ANKRD22: variants seen among roughly 807,000 people sequenced by gnomAD.
ANKRD22 encodes the protein ankyrin repeat domain-containing protein 22.
ANKRD22 carries 24 observed loss-of-function variants against 25.7 expected under a neutral mutation model. The observed-to-expected ratio is 0.93, with a 90% CI of 0.68 to 1.31. The LOEUF (loss-of-function observed/expected upper bound fraction) is 1.31. Ranked by LOEUF, ANKRD22 falls within the 50% of genes most tolerant of loss-of-function variation. The pLI is 0.00. For missense variants in ANKRD22, 214 were observed against 227.1 expected (o/e 0.94, Z 0.37); for synonymous variants, 84 against 84.3 (o/e 1.00, Z 0.02).
At chr10:88,831,438 C>A (rs567603249) in intron 2 of ANKRD22, among the ~76,000 whole-genome samples, 37 of 152,182 alleles carry the variant, frequency 2.4e-4, no homozygotes, top group African/African-American at 8.7e-4. Context: ...ATTAATATAG[C>A]AGGTAAAAAT....
At chr10:88,845,377 G>A (rs1048355371) in intron 1 of ANKRD22, among the ~76,000 whole-genome samples, 1 of 151,866 alleles carries the variant, frequency 6.6e-6, no homozygotes, top group Admixed American at 6.6e-5. Flanking sequence ...TTCTCTTGGC[G>A]TTAAATACCA....
chr10:88,839,886 A>G (rs1174351992), intron 1 of ANKRD22, among the ~76,000 whole-genome samples: 1 of 152,168 alleles, frequency 6.6e-6, no homozygotes, highest in East Asian at 1.9e-4. Flanking sequence ...AACACGACCC[A>G]GGCCCCACTA....
chr10:88,832,176 A>C, intron 1 of ANKRD22, 150 bp from the exon 2 acceptor site: 1 of 816,000 alleles, frequency 1.2e-6, no homozygotes, highest in Non-Finnish European at 1.8e-6. Context: ...GGTCTCAGTT[A>C]TGCCTAGCTT....
intron 2 of ANKRD22, 59 bp downstream of exon 2, chr10:88,831,776 T>C: frequency 6.8e-7 from 1 of 1,476,130 alleles, no homozygotes; most frequent in Non-Finnish European, 9.0e-7. Flanking sequence ...CTTCTAGTGA[T>C]TCAAAGAGAA....
chr10:88,829,027 C>A (rs1367608694), intron 2 of ANKRD22, among the ~76,000 whole-genome samples: 1 of 152,232 alleles, frequency 6.6e-6, no homozygotes, highest in Non-Finnish European at 1.5e-5. Flanking sequence ...CCTTAATCAT[C>A]TACCATGTGT....
intron 1 of ANKRD22, among the ~76,000 whole-genome samples, chr10:88,835,168 A>G (rs1244573793): frequency 6.6e-6 from 1 of 152,166 alleles, no homozygotes; most frequent in African/African-American, 2.4e-5. Context: ...GAGCTAACTA[A>G]AAAGAAGAAG....
intron 1 of ANKRD22, among the ~76,000 whole-genome samples, chr10:88,848,162 ATG>A: frequency 7.2e-6 from 1 of 139,822 alleles, no homozygotes; most frequent in African/African-American, 2.7e-5. Flanking sequence ...ATATATATAT[ATG>A]TATATATGTG....
rs1324689368 is a variant in ANKRD22, at chr10:88,828,585, C to T, written c.295G>A (p.Val99Ile). The T allele has an allele frequency of 2.5e-6, 4 of 1,609,308 alleles. No homozygotes were observed. Among genetic ancestry groups the T allele is most frequent in the Middle Eastern group, 1.6e-4 (1 of 6,064 alleles). The change falls in exon 3 of 6, where the codon GTT (valine) becomes ATT (isoleucine). Residue 99 changes from valine to isoleucine, a missense_variant. By Grantham distance (29) the Val-to-Ile change is conservative. Transcript: ENST00000371930. ...ATGAGGAAATACCCAATAAGCAGAA[C>T]AGGCATTAAGAGGATAATTAGTAGA... ...DYLLIILLMP[V>I]LLIGYFLMVS...
rs933859346 is a variant in ANKRD22, at chr10:88,820,322, G to A, written c.*2619C>T. ...GGACTGGCTTTCAAATCCAGAAGAC[G>A]TGAAAATGCTGCTCTCTGAGGTGAC... On this transcript the variant is annotated 3_prime_UTR_variant, in exon 6 of 6. Transcript: ENST00000371930. The A allele has an allele frequency of 2.8e-5, 43 of 1,552,116 alleles. No homozygotes were observed. The highest frequency in any genetic ancestry group is 5.5e-5 in the African/African-American group (4 of 73,042).
chr10:88,841,537 C>T (rs1052581617), intron 1 of ANKRD22, among the ~76,000 whole-genome samples: 2 of 152,162 alleles, frequency 1.3e-5, no homozygotes, highest in African/African-American at 4.8e-5. Flanking sequence ...CTCAAGCCAG[C>T]TCCAGCCTGC....
chr10:88,844,682 C>G (rs530447713), intron 1 of ANKRD22, among the ~76,000 whole-genome samples: 11 of 146,698 alleles, frequency 7.5e-5, no homozygotes, highest in African/African-American at 2.9e-4. Context: ...GCCTTCTTAT[C>G]TCATCTCAGA....
Position 88,823,287 on chromosome 10 carries a change from T to G in ANKRD22, c.491A>C (p.Lys164Thr), listed in dbSNP as rs1564601568. The change falls in exon 5 of 6, where the codon AAG (lysine) becomes ACG (threonine). Residue 164 changes from lysine to threonine, a missense_variant. By Grantham distance (78) the Lys-to-Thr change is moderately conservative. Transcript: ENST00000371930. ...LLEARADPTI[K>T]NKHGESSLDI... ...CGGTCCACCCTCCCTTACCTTATTC[T>G]TTATTGTGGGGTCTGCACGGGCTTC... is the stretch of plus-strand genomic sequence containing the variant. 1 of 1,612,088 alleles carries G rather than the reference T, an allele frequency of 6.2e-7. No homozygotes were observed. Among genetic ancestry groups the G allele is most frequent in the East Asian group, 2.2e-5 (1 of 44,872 alleles).
chr10:88,827,719 AAAT>A (rs549596115), intron 3 of ANKRD22, among the ~76,000 whole-genome samples: 5 of 152,146 alleles, frequency 3.3e-5, no homozygotes, highest in Non-Finnish European at 5.9e-5. Context: ...ATACCCAATG[AAAT>A]AATAACATTT....
At chr10:88,848,189 T>C (rs970553739) in intron 1 of ANKRD22, among the ~76,000 whole-genome samples, 2 of 145,144 alleles carry the variant, frequency 1.4e-5, no homozygotes, top group African/African-American at 5.0e-5. Flanking sequence ...TATATATGTA[T>C]ATATGTATAT....
At chr10:88,841,020 T>C (rs893946612) in intron 1 of ANKRD22, among the ~76,000 whole-genome samples, 1 of 152,012 alleles carries the variant, frequency 6.6e-6, no homozygotes, top group African/African-American at 2.4e-5. Flanking sequence ...GAAGGGGAAA[T>C]AGAAGCAGGG....
chr10:88,827,585 G>A (rs1212206149), intron 3 of ANKRD22, among the ~76,000 whole-genome samples: 2 of 152,110 alleles, frequency 1.3e-5, no homozygotes, highest in African/African-American at 4.8e-5. Flanking sequence ...AGAATTCTTC[G>A]AGGATATGAG....
intron 1 of ANKRD22, among the ~76,000 whole-genome samples, chr10:88,839,012 G>A (rs1397892712): frequency 1.3e-5 from 2 of 152,176 alleles, no homozygotes; most frequent in Admixed American, 6.6e-5. Flanking sequence ...CTAAGACACA[G>A]GATTGATAGG....
intron 3 of ANKRD22, among the ~76,000 whole-genome samples, chr10:88,827,060 A>G (rs899767542): frequency 6.6e-6 from 1 of 152,112 alleles, no homozygotes; most frequent in East Asian, 1.9e-4. Flanking sequence ...GTCTTCCCCA[A>G]CTTCCAGTCT....
intron 3 of ANKRD22, among the ~76,000 whole-genome samples, chr10:88,827,520 C>G (rs1389842570): frequency 6.6e-6 from 1 of 152,076 alleles, no homozygotes; most frequent in Non-Finnish European, 1.5e-5. Flanking sequence ...ATTCTCCCTG[C>G]CCCCAAAATA....
Sources: gnomAD v4.1 joint callset for allele counts (sites outside exome capture counted in the v4.1 genomes callset) on GRCh38, gnomAD v4.1.1 for gene constraint, MANE v1.5 for transcripts, NCBI Gene and HGNC (gene_info 2026-07-23, HGNC 2026-07-21) for gene names.